Variants in JPH3 observed in about 807,000 individuals in gnomAD.
JPH3 encodes the protein junctophilin 3.
A neutral mutation model predicts 59.6 loss-of-function variants in JPH3; 11 were observed. The ratio of observed to expected loss-of-function variants is 0.18; its 90% CI spans 0.12 to 0.31. The LOEUF (loss-of-function observed/expected upper bound fraction) is 0.31. JPH3 is among the 10% of genes least tolerant of loss of function. JPH3 has a pLI of 1.00. For synonymous variants in JPH3, 673 were observed against 483.6 expected (o/e 1.39, Z -5.14); for missense variants, 1,202 against 1,105.7 (o/e 1.09, Z -1.24).
chr16:87,641,744 G>T (rs957129423), intron 1 of JPH3, among the ~76,000 whole-genome samples: 1 of 152,270 alleles, frequency 6.6e-6, no homozygotes, highest in Admixed American at 6.5e-5. Context: ...GCTCTGTCCG[G>T]GGCTGCAGCC....
chr16:87,636,286 C>T (rs969570719), intron 1 of JPH3, among the ~76,000 whole-genome samples: 3 of 152,240 alleles, frequency 2.0e-5, no homozygotes, highest in Admixed American at 2.0e-4. Flanking sequence ...AGCTCAGTTG[C>T]CCTCAGCCGC....
intron 2 of JPH3, among the ~76,000 whole-genome samples, chr16:87,678,872 C>T (rs1017378165): frequency 1.3e-5 from 2 of 150,772 alleles, no homozygotes; most frequent in African/African-American, 4.8e-5. Flanking sequence ...CGCCAGCAGC[C>T]GCCAGCAGCT....
At chr16:87,679,824 T>C (rs912139915) in intron 2 of JPH3, among the ~76,000 whole-genome samples, 13 of 152,192 alleles carry the variant, frequency 8.5e-5, no homozygotes, top group Non-Finnish European at 1.9e-4. Context: ...TCAGCACACA[T>C]GTCATAGTTG....
chr16:87,661,931 C>G (rs1317329222), intron 2 of JPH3, among the ~76,000 whole-genome samples: 3 of 152,254 alleles, frequency 2.0e-5, no homozygotes, highest in Non-Finnish European at 4.4e-5. Context: ...GGCACGTACG[C>G]CACCACTACT....
At chr16:87,641,044 C>A (rs956155488) in intron 1 of JPH3, among the ~76,000 whole-genome samples, 1 of 152,240 alleles carries the variant, frequency 6.6e-6, no homozygotes, top group Non-Finnish European at 1.5e-5. Flanking sequence ...GGGTTTCCCC[C>A]CAGTGTGGTT....
intron 1 of JPH3, among the ~76,000 whole-genome samples, chr16:87,635,013 A>G (rs7190560): frequency 0.3 from 46,055 of 152,022 alleles, 7,174 homozygotes; most frequent in Non-Finnish European, 0.34. Context: ...GCATGGAGCC[A>G]TGGAAATGTT....
intron 2 of JPH3, among the ~76,000 whole-genome samples, chr16:87,657,451 G>T (rs538058434): frequency 1.3e-5 from 2 of 152,188 alleles, no homozygotes; most frequent in African/African-American, 2.4e-5. Context: ...TGAGGGCGAC[G>T]ACAGTACCCT....
chr16:87,604,759 C>A, intron 1 of JPH3: 1 of 809,884 alleles, frequency 1.2e-6, no homozygotes, highest in Non-Finnish European at 1.6e-6. Context: ...GCTTATGCAA[C>A]TGAAAAGCAG....
intron 2 of JPH3, among the ~76,000 whole-genome samples, chr16:87,667,083 G>T (rs1264992185): frequency 2.0e-5 from 3 of 152,260 alleles, no homozygotes; most frequent in African/African-American, 7.2e-5. Flanking sequence ...AGCCTCTGGG[G>T]AGGGTCCCTT....
At chr16:87,657,427 TG>T (rs2032540584) in intron 2 of JPH3, among the ~76,000 whole-genome samples, 1 of 151,904 alleles carries the variant, frequency 6.6e-6, no homozygotes, top group Non-Finnish European at 1.5e-5. Context: ...TCTTCATGGG[TG>T]TAGGGTTTCT....
chr16:87,644,187 C>T, intron 1 of JPH3, 71 bp from the exon 2 acceptor site: 1 of 1,480,326 alleles, frequency 6.8e-7, no homozygotes, highest in Non-Finnish European at 9.2e-7. Flanking sequence ...GCTGCTTCAA[C>T]CCTGTCCGTG....
chr16:87,660,212 G>C (rs60074977), intron 2 of JPH3, among the ~76,000 whole-genome samples: 48,197 of 152,030 alleles, frequency 0.32, 8,230 homozygotes, highest in South Asian at 0.43. Flanking sequence ...AGAGAACTTT[G>C]CAGGCCAATG....
Position 87,689,871 on chromosome 16 carries a change from A to C in JPH3, c.1511A>C (p.Gln504Pro). The change falls in exon 4 of 5, where the codon CAG becomes CCG. Residue 504 changes from glutamine to proline, a missense_variant. Physicochemically the swap from Gln to Pro is moderately conservative, Grantham distance 76. Transcript: ENST00000284262. The stretch of plus-strand genomic sequence containing the variant: ...AACAAGGTCGCCCACTTCTCGAGGC[A>C]GGTGTCGGTGGACGAGGAGCGGGGC... ...ARNKVAHFSR[Q>P]VSVDEERGGD... 6.7e-7 allele frequency: 1 copy of C among 1,493,798 alleles called. No individual in the cohort carries two copies. Among genetic ancestry groups the C allele is most frequent in the Non-Finnish European group, 8.9e-7 (1 of 1,121,354 alleles). The allele number at this position is 1,493,798 out of a possible 1,614,324, so 92.5% of individuals were successfully genotyped here. A position where few individuals can be genotyped will look rare whatever the true frequency, so the allele number is the denominator to read the frequency against.
chr16:87,695,900 C>CTA (rs2033821138), intron 4 of JPH3: 1 of 455,832 alleles, frequency 2.2e-6, no homozygotes, highest in Non-Finnish European at 4.4e-6. Context: ...AAGGGGGAGT[C>CTA]TGGCACTTGG....
intron 2 of JPH3, among the ~76,000 whole-genome samples, chr16:87,680,359 C>CGGAAGGAAGCGGTGTGCGCCT (rs376260826): frequency 3.2e-3 from 488 of 152,332 alleles, no homozygotes; most frequent in Non-Finnish European, 5.5e-3. Flanking sequence ...GGGCTGCGCC[C>CGGAAGGAAGCGGTGTGCGCCT]GGAAGGAAGC....
chr16:87,617,556 T>G (rs2031017269), intron 1 of JPH3, among the ~76,000 whole-genome samples: 1 of 138,612 alleles, frequency 7.2e-6, no homozygotes, highest in Non-Finnish European at 1.5e-5. Context: ...AAGCTGGGGG[T>G]CATGGGAGGG....
At chr16:87,636,341 C>G (rs144470121) in intron 1 of JPH3, among the ~76,000 whole-genome samples, 1 of 152,362 alleles carries the variant, frequency 6.6e-6, no homozygotes, top group Non-Finnish European at 1.5e-5. Context: ...AGCCAAGGAA[C>G]TGAGCCCAGA....
chr16:87,617,054 G>A (rs554582008), intron 1 of JPH3, among the ~76,000 whole-genome samples: 26 of 152,214 alleles, frequency 1.7e-4, no homozygotes, highest in Admixed American at 2.6e-4. Context: ...GTGAAACCCC[G>A]TCTTTACTAA....
chr16:87,630,571 C>G (rs1273476762), intron 1 of JPH3, among the ~76,000 whole-genome samples: 1 of 152,186 alleles, frequency 6.6e-6, no homozygotes, highest in African/African-American at 2.4e-5. Context: ...GTTAATATCA[C>G]TATTGTGAGA....
Sources: allele counts gnomAD v4.1 joint callset (sites outside exome capture counted in the v4.1 genomes callset), GRCh38; gene constraint gnomAD v4.1.1; transcripts MANE v1.5; gene names NCBI Gene and HGNC (gene_info 2026-07-23, HGNC 2026-07-21).